The following ADGRB3 variants were observed in gnomAD, a reference collection of about 807,000 sequenced individuals.
ADGRB3 encodes adhesion G protein-coupled receptor B3, also known as brain-specific angiogenesis inhibitor 3.
A neutral mutation model predicts 193.4 loss-of-function variants in ADGRB3; 37 were observed. The observed-to-expected ratio is 0.19, with a 90% CI of 0.15 to 0.25. ADGRB3 has a LOEUF of 0.25. Among genes scored for constraint, ADGRB3 ranks in the 10% least tolerant of loss-of-function variants. The probability of loss-of-function intolerance (pLI) is 1.00; values close to 1 mark genes in which losing one functional copy is unlikely to be tolerated. For missense variants in ADGRB3, 1,637 were observed against 1,852.9 expected, an observed-to-expected ratio of 0.88 and a Z score of 2.14; for synonymous variants, 690 against 644.2, an observed-to-expected ratio of 1.07 and a Z score of -1.08.
At chr6:68,669,533 AT>A in intron 3 of ADGRB3, among the ~76,000 whole-genome samples, 2 of 151,462 alleles carry the variant, frequency 1.3e-5, no homozygotes, top group South Asian at 4.2e-4. Context: ...ACATAACATA[AT>A]GATCTCCAGT....
chr6:68,777,288 T>C (rs1766765446), intron 3 of ADGRB3, among the ~76,000 whole-genome samples: 1 of 152,170 alleles, frequency 6.6e-6, no homozygotes, highest in African/African-American at 2.4e-5. Flanking sequence ...ACTTGCACTA[T>C]GATGCAATTA....
intron 3 of ADGRB3, among the ~76,000 whole-genome samples, chr6:68,904,319 C>A (rs923694559): frequency 2.6e-5 from 4 of 151,974 alleles, no homozygotes; most frequent in African/African-American, 9.7e-5. Context: ...GTCATTACAA[C>A]CCTGACAATA....
At chr6:69,034,699 GAAC>G (rs1459075024) in intron 13 of ADGRB3, among the ~76,000 whole-genome samples, 1 of 150,922 alleles carries the variant, frequency 6.6e-6, no homozygotes, top group Non-Finnish European at 1.5e-5. Flanking sequence ...GTGAGAGAGA[GAAC>G]AACAGTACAT....
intron 5 of ADGRB3, among the ~76,000 whole-genome samples, chr6:68,939,833 A>T (rs1179399983): frequency 6.6e-6 from 1 of 152,210 alleles, no homozygotes; most frequent in African/African-American, 2.4e-5. Flanking sequence ...TAACTCAGAA[A>T]TCAGTAACTG....
Position 68,897,570 on chromosome 6 carries a change from CAAGA to C in ADGRB3, c.758-32983_758-32980del, listed in dbSNP as rs1475052043. Among the ~76,000 whole-genome samples, 64 of 16,854 alleles carry C rather than the reference CAAGA, an allele frequency of 3.8e-3. 4 individuals are homozygous for C. The highest frequency in any genetic ancestry group is 5.8e-3 in the Non-Finnish European group (54 of 9,298). The allele number at this position is 16,854 out of a possible 152,430, so 11.1% of individuals were successfully genotyped here. A position where few individuals can be genotyped will look rare whatever the true frequency, so the allele number is the denominator to read the frequency against. ...AAGGAAGGAAGGAAAGAAAGAGAAA[CAAGA>C]AAGAAGGAAGGGAGGGATAGGGGAG... On this transcript the variant is annotated intron_variant, in intron 3 of 31. Coordinates refer to ENST00000370598, the MANE Select transcript of ADGRB3 (RefSeq NM_001704.3).
chr6:68,723,625 T>C (rs1765622992), intron 3 of ADGRB3, among the ~76,000 whole-genome samples: 1 of 151,900 alleles, frequency 6.6e-6, no homozygotes, highest in Non-Finnish European at 1.5e-5. Flanking sequence ...ATCAGCACTA[T>C]GGATTGGATA....
chr6:68,916,825 T>C (rs1208497580), intron 3 of ADGRB3, among the ~76,000 whole-genome samples: 20 of 152,140 alleles, frequency 1.3e-4, no homozygotes, highest in Admixed American at 1.3e-3. Flanking sequence ...AGATGCAAGA[T>C]GGTCTTGAAG....
intron 3 of ADGRB3, among the ~76,000 whole-genome samples, chr6:68,649,569 A>C (rs1172900788): frequency 6.6e-6 from 1 of 152,188 alleles, no homozygotes. Flanking sequence ...TCTCAAAAAA[A>C]CGATTGATTT....
At chr6:68,999,074 T>A (rs1769482712) in intron 11 of ADGRB3, among the ~76,000 whole-genome samples, 1 of 152,198 alleles carries the variant, frequency 6.6e-6, no homozygotes, top group Non-Finnish European at 1.5e-5. Context: ...ATGTTAAAAT[T>A]GTAAAAACCT....
chr6:69,186,385 A>C (rs1765068289), intron 17 of ADGRB3, among the ~76,000 whole-genome samples: 1 of 152,010 alleles, frequency 6.6e-6, no homozygotes, highest in African/African-American at 2.4e-5. Context: ...CCCACTCAGA[A>C]ATATATAATT....
chr6:68,798,181 T>C (rs1401430880), intron 3 of ADGRB3, among the ~76,000 whole-genome samples: 1 of 152,160 alleles, frequency 6.6e-6, no homozygotes, highest in African/African-American at 2.4e-5. Flanking sequence ...AAACAGTTGG[T>C]TTATTGAAAA....
At chr6:68,787,898 G>C (rs1167969868) in intron 3 of ADGRB3, among the ~76,000 whole-genome samples, 3 of 152,042 alleles carry the variant, frequency 2.0e-5, no homozygotes, top group African/African-American at 7.2e-5. Context: ...TATATGTGTG[G>C]AGGAATTTAT....
intron 26 of ADGRB3, among the ~76,000 whole-genome samples, chr6:69,349,103 G>T (rs970251060): frequency 2.0e-5 from 3 of 152,186 alleles, no homozygotes; most frequent in African/African-American, 7.2e-5. Context: ...CTGTGACACT[G>T]AAATAATGTC....
At chr6:69,262,810 G>T (rs1489218057) in intron 20 of ADGRB3, among the ~76,000 whole-genome samples, 3 of 151,134 alleles carry the variant, frequency 2.0e-5, no homozygotes, top group Admixed American at 6.6e-5. Flanking sequence ...TTTACCATAG[G>T]TATGTATGTG....
intron 8 of ADGRB3, among the ~76,000 whole-genome samples, chr6:68,957,852 C>T (rs552996184): frequency 6.6e-6 from 1 of 152,158 alleles, no homozygotes; most frequent in East Asian, 1.9e-4. Context: ...AACAACAGAA[C>T]TGGATTTTAA....
At chr6:68,715,344 G>A (rs928607002) in intron 3 of ADGRB3, among the ~76,000 whole-genome samples, 2 of 151,296 alleles carry the variant, frequency 1.3e-5, no homozygotes, top group Non-Finnish European at 3.0e-5. Flanking sequence ...TGTGAAGAAG[G>A]TTTACTGAGG....
At chr6:69,357,674 T>C (rs1769363843) in intron 28 of ADGRB3, among the ~76,000 whole-genome samples, 1 of 151,850 alleles carries the variant, frequency 6.6e-6, no homozygotes, top group East Asian at 1.9e-4. Flanking sequence ...AATCTCATAT[T>C]CTCATTCCTG....
intron 24 of ADGRB3, among the ~76,000 whole-genome samples, chr6:69,337,555 T>C (rs1768880549): frequency 6.6e-6 from 1 of 152,166 alleles, no homozygotes; most frequent in African/African-American, 2.4e-5. Context: ...AAGGCATTCC[T>C]AAACTAAACT....
At chr6:68,884,304 G>A (rs139939685) in intron 3 of ADGRB3, among the ~76,000 whole-genome samples, 472 of 152,240 alleles carry the variant, frequency 3.1e-3, no homozygotes, top group African/African-American at 0.01. Flanking sequence ...CTCAGGGTTT[G>A]GGGGAGACAA....
Sources: gnomAD v4.1 joint callset for allele counts (sites outside exome capture counted in the v4.1 genomes callset) on GRCh38, gnomAD v4.1.1 for gene constraint, MANE v1.5 for transcripts, NCBI Gene and HGNC (gene_info 2026-07-23, HGNC 2026-07-21) for gene names.